ENTPD7: variants seen among roughly 807,000 people sequenced by gnomAD.
ENTPD7 encodes NTPDase 7.
Under a neutral mutation model 77.9 loss-of-function variants are expected in ENTPD7, and 53 were observed. The ratio of observed to expected loss-of-function variants is 0.68; its 90% confidence interval spans 0.55 to 0.85. ENTPD7 has a LOEUF of 0.85. Ranked by LOEUF, ENTPD7 falls within the 40% of genes least tolerant of loss-of-function variation. The pLI, the probability that ENTPD7 is intolerant of heterozygous loss-of-function variation, is 0.00. For missense variants in ENTPD7, 636 were observed against 743.7 expected (o/e 0.86, Z 1.68); for synonymous variants, 248 against 274.9 (o/e 0.90, Z 0.97).
chr10:99,670,957 T>A (rs2035612909), intron 3 of ENTPD7, among the ~76,000 whole-genome samples: 1 of 151,996 alleles, frequency 6.6e-6, no homozygotes, highest in Non-Finnish European at 1.5e-5. Context: ...GGCCAAGGCT[T>A]CAGTGAGTCG....
chr10:99,710,756 G>A lies in ENTPD7; in HGVS notation c.*6073G>A. The A allele has an allele frequency of 1.0e-6, 1 of 985,336 alleles. No homozygotes were observed. Among genetic ancestry groups the A allele is most frequent in the Non-Finnish European group, 1.2e-6 (1 of 829,874 alleles). The allele number at this position is 985,336 out of a possible 1,614,324, so 61.0% of individuals were successfully genotyped here. A position where few individuals can be genotyped will look rare whatever the true frequency, so the allele number is the denominator to read the frequency against. ...GGTTATCCTAAAATCATGATTATCA[G>A]TGTTGATCTCTGCAACCAACATTGC... On this transcript the variant is annotated 3_prime_UTR_variant, in exon 13 of 13. Transcript: ENST00000370489.
At position 99,702,546 on chromosome 10, in the gene ENTPD7, G is replaced by A; in HGVS notation, c.1456G>A (p.Val486Ile). ...QCFKSAWMYQ[V>I]LHEGFHFPYD... ...TTTTAAATCGGCTTGGATGTACCAA[G>A]TCTTACATGAAGGATTCCACTTTCC... Residue 486 changes from valine to isoleucine, a missense_variant, in exon 12 of 13, where the codon GTC (valine) becomes ATC (isoleucine). Val to Ile is a conservative substitution (Grantham distance 29). Coordinates refer to ENST00000370489, the MANE Select transcript of ENTPD7 (RefSeq NM_020354.5). The A allele has an allele frequency of 6.2e-7, 1 of 1,606,594 alleles. No homozygotes were observed. Among genetic ancestry groups the A allele is most frequent in the Non-Finnish European group, 8.5e-7 (1 of 1,176,530 alleles).
intron 3 of ENTPD7, among the ~76,000 whole-genome samples, chr10:99,672,548 C>A (rs1590040195): frequency 6.6e-6 from 1 of 152,038 alleles, no homozygotes; most frequent in African/African-American, 2.4e-5. Flanking sequence ...TCAAGCAAGC[C>A]ACCTACCTTG....
Position 99,685,778 on chromosome 10 carries a change from G to A in ENTPD7, c.549-14G>A, listed in dbSNP as rs2035803464. The A allele has an allele frequency of 6.2e-7, 1 of 1,605,262 alleles. No individual in the cohort carries two copies. ...TTAGTGACTAACTTTGGGATTTTTT[G>A]TTCTTTCTTGCAGGAAGCAGTTGGC... On this transcript the variant is annotated splice_polypyrimidine_tract_variant and intron_variant, in intron 5 of 12. Coordinates refer to ENST00000370489, the MANE Select transcript of ENTPD7 (RefSeq NM_020354.5).
At chr10:99,660,276 A>C in intron 2 of ENTPD7, 1 of 983,260 alleles carries the variant, frequency 1.0e-6, no homozygotes, top group Non-Finnish European at 1.2e-6. Flanking sequence ...TAAACAAAGA[A>C]GTTTTTTTGT....
chr10:99,708,624 C>T lies in ENTPD7; in HGVS notation c.*3941C>T, dbSNP rs1225654546. 6.0e-6 allele frequency: 1 copy of T among 166,528 alleles called. No homozygotes were observed. The highest frequency in any genetic ancestry group is 1.2e-5 in the Non-Finnish European group (1 of 81,136). The allele number at this position is 166,528 out of a possible 1,614,324, so 10.3% of individuals were successfully genotyped here. ...CATTTTGTCCTTTGGTTTAGAAGACCAGGCTGCCCAAAAGAGCCTCCTATT... is the reference window on the plus strand; with the variant it reads ...CATTTTGTCCTTTGGTTTAGAAGACTAGGCTGCCCAAAAGAGCCTCCTATT... On this transcript the variant is annotated 3_prime_UTR_variant, in exon 13 of 13. Transcript: ENST00000370489.
intron 12 of ENTPD7, 118 bp from the exon 13 acceptor site, chr10:99,704,334 A>G: frequency 9.9e-7 from 1 of 1,014,760 alleles, no homozygotes. Flanking sequence ...CTGGTGTCAT[A>G]AAATGTTTAT....
rs141698869 is a variant in ENTPD7, at chr10:99,702,512, A to G, written c.1422A>G (p.Lys474=). ...FSSHADEHRL[K]YQCFKSAWMY... is the part of the protein sequence containing the mutation. ...AAATTTAATTATTTTTGTCACACAGATATCAGTGTTTTAAATCGGCTTGGA... is the reference window on the plus strand; with the variant it reads ...AAATTTAATTATTTTTGTCACACAGGTATCAGTGTTTTAAATCGGCTTGGA... The change falls in exon 12 of 13, where the codon AAA becomes AAG. Residue 474 remains lysine (K), a splice_region_variant and synonymous_variant. Coordinates refer to ENST00000370489, the MANE Select transcript of ENTPD7 (RefSeq NM_020354.5). 47 of 1,559,856 alleles carry G rather than the reference A, an allele frequency of 3.0e-5. No homozygotes were observed. Among genetic ancestry groups the G allele is most frequent in the Admixed American group, 4.1e-5 (2 of 48,662 alleles).
chr10:99,709,209 ATTCT>A lies in ENTPD7; in HGVS notation c.*4528_*4531del. On this transcript the variant is annotated 3_prime_UTR_variant, in exon 13 of 13. Transcript: ENST00000370489. ...TACCTCATTAAAGAACTTCGTTGTA[ATTCT>A]TGGGCAGTTTCCAGACTCTGTTACA... 1 of 985,436 alleles carries A rather than the reference ATTCT, an allele frequency of 1.0e-6. No individual in the cohort carries two copies. Among genetic ancestry groups the A allele is most frequent in the Non-Finnish European group, 1.2e-6 (1 of 829,926 alleles). 61.0% of individuals were successfully genotyped at this position (985,436 alleles called of 1,614,324 possible).
At chr10:99,662,180 G>C (rs151307146) in intron 3 of ENTPD7, among the ~76,000 whole-genome samples, 108 of 152,190 alleles carry the variant, frequency 7.1e-4, no homozygotes, top group Non-Finnish European at 1.4e-3. Context: ...TATTTAATCT[G>C]ATTATTTAGT....
intron 8 of ENTPD7, among the ~76,000 whole-genome samples, chr10:99,693,309 C>T (rs2013255): frequency 0.84 from 127,970 of 152,154 alleles, 54,059 homozygotes; most frequent in Middle Eastern, 0.92. Context: ...GTTTAAGATA[C>T]CCAAGGAACA....
chr10:99,673,255 A>T (rs1344795234), intron 3 of ENTPD7, among the ~76,000 whole-genome samples: 1 of 152,216 alleles, frequency 6.6e-6, no homozygotes, highest in African/African-American at 2.4e-5. Flanking sequence ...TCGGCAAAAC[A>T]GGAGGGTCCA....
chr10:99,664,455 T>C (rs934666975), intron 3 of ENTPD7, among the ~76,000 whole-genome samples: 22 of 150,266 alleles, frequency 1.5e-4, no homozygotes, highest in Non-Finnish European at 2.8e-4. Flanking sequence ...ATTTTCTTTT[T>C]TTTTTTTTTT....
chr10:99,665,693 T>C (rs1299214552), intron 3 of ENTPD7, among the ~76,000 whole-genome samples: 1 of 152,014 alleles, frequency 6.6e-6, no homozygotes, highest in Non-Finnish European at 1.5e-5. Context: ...GCTTTTCTTT[T>C]TTTTTTTTCT....
rs1396367543 is a variant in ENTPD7, at chr10:99,707,347, C to T, written c.*2664C>T. Among the ~76,000 whole-genome samples the T allele has an allele frequency of 6.6e-6, 1 of 152,098 alleles. No homozygotes were observed. Among genetic ancestry groups the T allele is most frequent in the Non-Finnish European group, 1.5e-5 (1 of 68,010 alleles). The stretch of plus-strand genomic sequence containing the variant: ...GGCTCCTTTGTTTATTCTCTTCTCC[C>T]AATTAATAGATTTTAAATGAAATCT... On this transcript the variant is annotated 3_prime_UTR_variant, in exon 13 of 13. Transcript: ENST00000370489.
rs1337305255 is a variant in ENTPD7 at position 99,707,763 on chromosome 10, A to G, written c.*3080A>G. Among the ~76,000 whole-genome samples, 1 of 152,256 alleles carries G rather than the reference A, an allele frequency of 6.6e-6. No individual in the cohort carries two copies. The highest frequency in any genetic ancestry group is 1.9e-4 in the East Asian group (1 of 5,206). On this transcript the variant is annotated 3_prime_UTR_variant, in exon 13 of 13. Transcript: ENST00000370489. Reference sequence around the variant, plus strand: ...TCACTTTCCCCAAAATTCTTGTCATAGAACATAATGAAAAATATGTAAAAT... The same window carrying G: ...TCACTTTCCCCAAAATTCTTGTCATGGAACATAATGAAAAATATGTAAAAT...
At chr10:99,684,896 GT>G (rs1186331517) in intron 5 of ENTPD7, among the ~76,000 whole-genome samples, 1 of 151,994 alleles carries the variant, frequency 6.6e-6, no homozygotes, top group East Asian at 1.9e-4. Flanking sequence ...CTGATCTAGG[GT>G]TTTCAAATGG....
At position 99,659,921 on chromosome 10, in the gene ENTPD7, G is replaced by A. The variant is rs755490055; in HGVS notation, c.-36G>A. ...CCACCTTCTCAGGGCAAAAGAAAAA[G>A]AAGGTGACAGGCGTTGAGACCACCG... On this transcript the variant is annotated 5_prime_UTR_variant, in exon 2 of 13. Coordinates refer to ENST00000370489, the MANE Select transcript of ENTPD7 (RefSeq NM_020354.5). This position sits in a 1 kb window ranked among gnomAD's most constrained non-coding sequence, Gnocchi z 4.1. 6.2e-7 allele frequency: 1 copy of A among 1,613,942 alleles called. No homozygotes were observed. The highest frequency in any genetic ancestry group is 1.7e-5 in the Admixed American group (1 of 60,022).
At chr10:99,687,455 C>T (rs1420323460) in intron 6 of ENTPD7, among the ~76,000 whole-genome samples, 3 of 151,450 alleles carry the variant, frequency 2.0e-5, no homozygotes, top group Admixed American at 6.6e-5. Flanking sequence ...TTAGTAGAGA[C>T]GGAGTTTCAC....
Sources: allele counts gnomAD v4.1 joint callset (sites outside exome capture counted in the v4.1 genomes callset), GRCh38; gene constraint gnomAD v4.1.1; non-coding constraint Gnocchi (gnomAD v3.1); transcripts MANE v1.5; gene names NCBI Gene and HGNC (gene_info 2026-07-23, HGNC 2026-07-21).